Variants in DLGAP2 observed in about 807,000 individuals in gnomAD.
DLGAP2 encodes DLG associated protein 2.
A neutral mutation model predicts 100.3 loss-of-function variants in DLGAP2; 26 were observed. The ratio of observed to expected loss-of-function variants is 0.26; its 90% confidence interval spans 0.19 to 0.36. The LOEUF (loss-of-function observed/expected upper bound fraction) is 0.36, where lower values mean the gene tolerates loss of function less well. Among genes scored for constraint, DLGAP2 ranks in the 10% least tolerant of loss-of-function variants. DLGAP2 has a pLI of 1.00. For synonymous variants in DLGAP2, 886 were observed against 630.1 expected (o/e 1.41, Z -6.08); for missense variants, 1,858 against 1,453.2 (o/e 1.28, Z -4.53).
chr8:1,215,414 C>T (rs113809159), intron 2 of DLGAP2, among the ~76,000 whole-genome samples: 2,855 of 148,548 alleles, frequency 0.019, 104 homozygotes, highest in African/African-American at 0.063. Context: ...TAGGGTGCAT[C>T]ACCTGGAGAC....
chr8:811,184 T>G (rs1796363538), intron 1 of DLGAP2, among the ~76,000 whole-genome samples: 1 of 152,234 alleles, frequency 6.6e-6, no homozygotes, highest in Non-Finnish European at 1.5e-5. Flanking sequence ...GTAACCTGAT[T>G]CAAGTCTGTG....
chr8:1,194,687 C>T (rs949999608), intron 2 of DLGAP2, among the ~76,000 whole-genome samples: 2 of 152,208 alleles, frequency 1.3e-5, no homozygotes, highest in African/African-American at 4.8e-5. Context: ...ACCACAGGGT[C>T]GTCCCGGAGC....
intron 1 of DLGAP2, among the ~76,000 whole-genome samples, chr8:906,414 C>A (rs1798382141): frequency 6.6e-6 from 1 of 152,132 alleles, no homozygotes; most frequent in Non-Finnish European, 1.5e-5. Flanking sequence ...TGAGGCCTGG[C>A]CTTGATCCCT....
chr8:901,662 G>A (rs1320287487), intron 1 of DLGAP2, among the ~76,000 whole-genome samples: 1 of 152,166 alleles, frequency 6.6e-6, no homozygotes, highest in Non-Finnish European at 1.5e-5. Context: ...GGTTTGGACC[G>A]GAAGTTGAAA....
chr8:791,276 C>A (rs1822019713), intron 1 of DLGAP2, among the ~76,000 whole-genome samples: 1 of 152,140 alleles, frequency 6.6e-6, no homozygotes. Flanking sequence ...CCTCACTTCC[C>A]ATTTCTGGGA....
At chr8:1,587,090 A>G (rs1796144532) in intron 6 of DLGAP2, among the ~76,000 whole-genome samples, 1 of 152,164 alleles carries the variant, frequency 6.6e-6, no homozygotes, top group Non-Finnish European at 1.5e-5. Context: ...GTTTCCCTAA[A>G]AACATTACAG....
At chr8:1,344,935 G>A (rs576151095) in intron 3 of DLGAP2, among the ~76,000 whole-genome samples, 1 of 152,190 alleles carries the variant, frequency 6.6e-6, no homozygotes, top group African/African-American at 2.4e-5. Context: ...TCTTGGTGAA[G>A]AGGACTCAAC....
chr8:1,370,672 C>G (rs1802216212), intron 3 of DLGAP2, among the ~76,000 whole-genome samples: 1 of 152,248 alleles, frequency 6.6e-6, no homozygotes, highest in Non-Finnish European at 1.5e-5. Context: ...CTGAAGGCAC[C>G]TGTTCCTGGG....
chr8:889,790 C>T (rs1438492115), intron 1 of DLGAP2, among the ~76,000 whole-genome samples: 1 of 152,222 alleles, frequency 6.6e-6, no homozygotes, highest in Admixed American at 6.5e-5. Context: ...GTGCTGGTCA[C>T]CCCTCCCCCC....
intron 2 of DLGAP2, among the ~76,000 whole-genome samples, chr8:1,173,385 G>A (rs1321476313): frequency 1.3e-5 from 2 of 152,324 alleles, no homozygotes; most frequent in South Asian, 2.1e-4. Context: ...CCAGCTGTGT[G>A]CTAGGAGAAC....
At chr8:1,465,223 C>T (rs188306184) in intron 3 of DLGAP2, among the ~76,000 whole-genome samples, 1 of 152,372 alleles carries the variant, frequency 6.6e-6, no homozygotes, top group African/African-American at 2.4e-5. Context: ...TCCTGCAAGC[C>T]CCCCACACGT....
intron 2 of DLGAP2, among the ~76,000 whole-genome samples, chr8:1,223,978 A>T (rs1585166503): frequency 6.6e-6 from 1 of 152,330 alleles, no homozygotes; most frequent in East Asian, 1.9e-4. Context: ...TTACCTTATT[A>T]ATTTTGACTT....
chr8:761,734 A>G (rs1821089365), intron 1 of DLGAP2, among the ~76,000 whole-genome samples: 1 of 152,192 alleles, frequency 6.6e-6, no homozygotes, highest in Non-Finnish European at 1.5e-5. Flanking sequence ...ACGCGGAGCC[A>G]GCTCCCTCTA....
intron 5 of DLGAP2, among the ~76,000 whole-genome samples, chr8:1,565,078 G>A (rs774163057): frequency 2.9e-4 from 44 of 152,220 alleles, no homozygotes; most frequent in Non-Finnish European, 4.1e-4. Flanking sequence ...TATATAACAT[G>A]AGCGGGTGCT....
intron 3 of DLGAP2, among the ~76,000 whole-genome samples, chr8:1,315,947 T>A (rs1800731690): frequency 7.4e-6 from 1 of 135,312 alleles, no homozygotes; most frequent in Non-Finnish European, 1.6e-5. Context: ...TCTCCAACAG[T>A]GGTCTACACT....
chr8:1,063,851 G>T (rs1009848482), intron 2 of DLGAP2, among the ~76,000 whole-genome samples: 4 of 152,200 alleles, frequency 2.6e-5, no homozygotes, highest in Non-Finnish European at 5.9e-5. Flanking sequence ...TTAAAATGGT[G>T]TCTGTTGTGG....
intron 2 of DLGAP2, among the ~76,000 whole-genome samples, chr8:1,178,898 C>T (rs978429689): frequency 9.9e-5 from 15 of 152,208 alleles, no homozygotes; most frequent in Non-Finnish European, 2.1e-4. Context: ...CCCCCTGCCC[C>T]ACACCATTGC....
chr8:895,455 G>T (rs181164340), intron 1 of DLGAP2, among the ~76,000 whole-genome samples: 1 of 152,152 alleles, frequency 6.6e-6, no homozygotes, highest in Non-Finnish European at 1.5e-5. Context: ...GTCTCTGGAC[G>T]CTGCCCGTCC....
chr8:1,550,444 T>A (rs1270963890), intron 5 of DLGAP2, among the ~76,000 whole-genome samples: 1 of 152,144 alleles, frequency 6.6e-6, no homozygotes, highest in Non-Finnish European at 1.5e-5. Context: ...TTAAGGCCTC[T>A]AAGGCTGGAG....
Sources: gnomAD v4.1 joint callset for allele counts (sites outside exome capture counted in the v4.1 genomes callset) on GRCh38, gnomAD v4.1.1 for gene constraint, MANE v1.5 for transcripts, NCBI Gene and HGNC (gene_info 2026-07-23, HGNC 2026-07-21) for gene names.